NWD2: variants seen among roughly 807,000 people sequenced by gnomAD.
NWD2 encodes the protein NACHT and WD repeat domain containing 2, also known as NACHT and WD repeat domain-containing protein 2.
Under a neutral mutation model 132.7 loss-of-function variants are expected in NWD2, and 37 were observed. The observed-to-expected ratio is 0.28, with a 90% CI of 0.21 to 0.37. The LOEUF (loss-of-function observed/expected upper bound fraction) is 0.37. Among genes scored for constraint, NWD2 ranks in the 10% least tolerant of loss-of-function variants. The pLI is 1.00. For synonymous variants in NWD2, 705 were observed against 803.0 expected, an observed-to-expected ratio of 0.88 and a Z score of 2.06; for missense variants, 1,592 against 2,122.4, an observed-to-expected ratio of 0.75 and a Z score of 4.91.
chr4:37,362,950 TA>T (rs767245602), intron 3 of NWD2, among the ~76,000 whole-genome samples: 2 of 151,976 alleles, frequency 1.3e-5, no homozygotes, highest in Non-Finnish European at 1.5e-5. Flanking sequence ...GTAAGGAACT[TA>T]AACAATGGAA....
chr4:37,268,930 T>C (rs1043124377), intron 1 of NWD2, among the ~76,000 whole-genome samples: 4 of 151,884 alleles, frequency 2.6e-5, no homozygotes, highest in Non-Finnish European at 5.9e-5. Flanking sequence ...CAAAGGTTAT[T>C]TGACACATGG....
At chr4:37,292,074 T>C (rs1382762684) in intron 1 of NWD2, among the ~76,000 whole-genome samples, 2 of 152,160 alleles carry the variant, frequency 1.3e-5, no homozygotes, top group Non-Finnish European at 2.9e-5. Context: ...GACTTAATGA[T>C]CCTCACATAT....
intron 6 of NWD2, among the ~76,000 whole-genome samples, chr4:37,441,083 C>T (rs1186981301): frequency 6.6e-6 from 1 of 152,130 alleles, no homozygotes; most frequent in African/African-American, 2.4e-5. Flanking sequence ...AGGTATATTC[C>T]ATTTACCTTT....
At chr4:37,362,020 C>A (rs1345657971) in intron 3 of NWD2, among the ~76,000 whole-genome samples, 3 of 152,152 alleles carry the variant, frequency 2.0e-5, no homozygotes, top group African/African-American at 7.2e-5. Context: ...TCTATACACC[C>A]ATAACGTTCA....
At chr4:37,416,253 G>C (rs1711596639) in intron 3 of NWD2, among the ~76,000 whole-genome samples, 1 of 152,220 alleles carries the variant, frequency 6.6e-6, no homozygotes, top group African/African-American at 2.4e-5. Flanking sequence ...CAGGACTGGA[G>C]TCCAGGCTTT....
intron 1 of NWD2, among the ~76,000 whole-genome samples, chr4:37,315,226 A>G (rs1183763377): frequency 6.6e-6 from 1 of 152,058 alleles, no homozygotes; most frequent in Non-Finnish European, 1.5e-5. Context: ...ATGTTCCATG[A>G]GCACCAGTAA....
Position 37,447,294 on chromosome 4 carries a change from A to G in NWD2, c.*77A>G, listed in dbSNP as rs1712666262. ...AAAAATGTGCCCCAAATGATAAACT[A>G]TTCATTTATTAAAAGGCAGGAGCGA... On this transcript the variant is annotated 3_prime_UTR_variant, in exon 7 of 7. Transcript: ENST00000309447. 1 of 1,091,762 alleles carries G rather than the reference A, an allele frequency of 9.2e-7. No individual in the cohort carries two copies. The highest frequency in any genetic ancestry group is 1.3e-6 in the Non-Finnish European group (1 of 769,150). 67.6% of individuals were successfully genotyped at this position (1,091,762 alleles called of 1,614,324 possible).
intron 1 of NWD2, among the ~76,000 whole-genome samples, chr4:37,311,132 C>A (rs924531684): frequency 1.3e-5 from 2 of 151,918 alleles, no homozygotes; most frequent in Non-Finnish European, 2.9e-5. Context: ...GATTTATAGT[C>A]CTTTGGGTAT....
rs1233779516 is a variant in NWD2 at position 37,434,035 on chromosome 4, C to T, written c.706+15C>T. The T allele has an allele frequency of 4.6e-6, 7 of 1,521,478 alleles. No homozygotes were observed. The highest frequency in any genetic ancestry group is 4.2e-5 in the Admixed American group (2 of 47,606). The allele number at this position is 1,521,478 out of a possible 1,614,324, so 94.2% of individuals were successfully genotyped here. On this transcript the variant is annotated intron_variant, in intron 5 of 6. Transcript: ENST00000309447. ...CCTGTTCTCAGGTAATTTTCCCATA[C>T]CTTCAGTAAAATAAGAAATATATCA...
At chr4:37,357,628 T>C (rs906930185) in intron 3 of NWD2, among the ~76,000 whole-genome samples, 8 of 152,176 alleles carry the variant, frequency 5.3e-5, no homozygotes, top group Non-Finnish European at 1.5e-5. Context: ...GATTCAACCT[T>C]AGAATTGAAC....
intron 1 of NWD2, among the ~76,000 whole-genome samples, chr4:37,256,768 C>G (rs1717529140): frequency 6.6e-6 from 1 of 152,126 alleles, no homozygotes; most frequent in African/African-American, 2.4e-5. Context: ...CCAAAGCTCT[C>G]TCTCTCCTCT....
chr4:37,438,735 A>C, intron 5 of NWD2, 66 bp from the exon 6 acceptor site: 1 of 1,055,340 alleles, frequency 9.5e-7, no homozygotes, highest in Non-Finnish European at 1.4e-6. Flanking sequence ...AGTGTTGACT[A>C]TTGAGAATGT....
At chr4:37,417,368 A>G (rs186036179) in intron 3 of NWD2, among the ~76,000 whole-genome samples, 1 of 152,242 alleles carries the variant, frequency 6.6e-6, no homozygotes, top group African/African-American at 2.4e-5. Context: ...ATGAATTTTA[A>G]AAGTACAAAA....
At chr4:37,385,996 T>C (rs1451715456) in intron 3 of NWD2, among the ~76,000 whole-genome samples, 1 of 152,182 alleles carries the variant, frequency 6.6e-6, no homozygotes, top group African/African-American at 2.4e-5. Flanking sequence ...GTTTTTTAAA[T>C]CTCTGAAAAT....
intron 1 of NWD2, among the ~76,000 whole-genome samples, chr4:37,274,351 G>A (rs939413508): frequency 7.0e-4 from 106 of 152,160 alleles, no homozygotes; most frequent in African/African-American, 2.5e-3. Flanking sequence ...TAAATTCCTC[G>A]ACACATACAC....
chr4:37,351,454 A>G (rs563681561), intron 2 of NWD2, among the ~76,000 whole-genome samples: 3 of 152,246 alleles, frequency 2.0e-5, no homozygotes, highest in Non-Finnish European at 2.9e-5. Context: ...TAGATTTTCT[A>G]ATTTATTTGC....
At chr4:37,283,068 C>T (rs936158994) in intron 1 of NWD2, among the ~76,000 whole-genome samples, 2 of 152,134 alleles carry the variant, frequency 1.3e-5, no homozygotes, top group African/African-American at 4.8e-5. Context: ...TGACATGAGG[C>T]TCTGAGCCAT....
At chr4:37,287,437 G>T (rs945321328) in intron 1 of NWD2, among the ~76,000 whole-genome samples, 3 of 152,206 alleles carry the variant, frequency 2.0e-5, no homozygotes, top group Non-Finnish European at 2.9e-5. Context: ...ATAGCTCCAG[G>T]CTGCACTTTT....
At chr4:37,291,398 C>A (rs1401512690) in intron 1 of NWD2, among the ~76,000 whole-genome samples, 1 of 151,800 alleles carries the variant, frequency 6.6e-6, no homozygotes, top group Non-Finnish European at 1.5e-5. Flanking sequence ...TCTCCATTAC[C>A]TTTTTGTAAA....
Sources: allele counts gnomAD v4.1 joint callset (sites outside exome capture counted in the v4.1 genomes callset), GRCh38; gene constraint gnomAD v4.1.1; transcripts MANE v1.5; gene names NCBI Gene and HGNC (gene_info 2026-07-23, HGNC 2026-07-21).